Variants in KCNMA1 observed in about 807,000 individuals in gnomAD.
KCNMA1 encodes Calcium-activated potassium channel subunit alpha-1.
In KCNMA1, 29 loss-of-function variants were observed where a neutral mutation model predicts 140.0. That is an observed-to-expected ratio of 0.21 (90% CI 0.15 to 0.28). The LOEUF is 0.28. Among genes scored for constraint, KCNMA1 ranks in the 10% least tolerant of loss-of-function variants. The pLI is 1.00. For synonymous variants in KCNMA1, 612 were observed against 611.9 expected, an observed-to-expected ratio of 1.00 and a Z score of 0.00; for missense variants, 880 against 1,602.2, an observed-to-expected ratio of 0.55 and a Z score of 7.70.
intron 2 of KCNMA1, among the ~76,000 whole-genome samples, chr10:77,323,203 T>C (rs1258431327): frequency 6.6e-6 from 1 of 152,200 alleles, no homozygotes; most frequent in Non-Finnish European, 1.5e-5. Context: ...CTCAGCAGAA[T>C]ACAGGGCTCC....
chr10:76,986,981 T>C (rs976643244), intron 19 of KCNMA1, among the ~76,000 whole-genome samples: 2 of 152,026 alleles, frequency 1.3e-5, no homozygotes, highest in Admixed American at 1.3e-4. Flanking sequence ...AATTGGCTGT[T>C]GGCTGTTCAG....
chr10:77,496,024 G>A (rs1200166530), intron 1 of KCNMA1, among the ~76,000 whole-genome samples: 1 of 152,170 alleles, frequency 6.6e-6, no homozygotes, highest in African/African-American at 2.4e-5. Context: ...AAGACACAGA[G>A]CCCTCCTTGG....
At chr10:77,156,296 A>T (rs563437897) in intron 5 of KCNMA1, among the ~76,000 whole-genome samples, 1 of 151,766 alleles carries the variant, frequency 6.6e-6, no homozygotes, top group South Asian at 2.1e-4. Flanking sequence ...TTTTCTCCTA[A>T]TTGCTTTCTC....
chr10:77,221,719 G>A (rs941504012), intron 3 of KCNMA1, among the ~76,000 whole-genome samples: 1 of 152,048 alleles, frequency 6.6e-6, no homozygotes, highest in Non-Finnish European at 1.5e-5. Flanking sequence ...GTGAGGGTAG[G>A]GTACTTCCTG....
At chr10:77,091,728 T>C (rs1391811929) in intron 9 of KCNMA1, 1 of 152,238 alleles carries the variant, frequency 6.6e-6, no homozygotes, top group Non-Finnish European at 1.5e-5. Flanking sequence ...CACTTCATAA[T>C]TGCTCTGTGC....
At chr10:76,942,238 G>A (rs1591456666) in intron 23 of KCNMA1, among the ~76,000 whole-genome samples, 2 of 152,082 alleles carry the variant, frequency 1.3e-5, no homozygotes, top group South Asian at 4.2e-4. Context: ...CTCCCAAGGC[G>A]TGAGCCACCA....
At chr10:77,419,571 G>A (rs1173712021) in intron 1 of KCNMA1, among the ~76,000 whole-genome samples, 8 of 152,184 alleles carry the variant, frequency 5.3e-5, no homozygotes, top group Non-Finnish European at 1.0e-4. Context: ...GGTCAGGGAA[G>A]CTTCTGGGGA....
chr10:77,255,979 G>A (rs991860805), intron 2 of KCNMA1, among the ~76,000 whole-genome samples: 2 of 151,988 alleles, frequency 1.3e-5, no homozygotes, highest in African/African-American at 4.8e-5. Context: ...GCAAAATGGG[G>A]AGGAGAGAGG....
At chr10:77,152,278 T>TTGTGTGTGTGTG (rs72088425) in intron 5 of KCNMA1, among the ~76,000 whole-genome samples, 25,195 of 98,648 alleles carry the variant, frequency 0.26, 2,684 homozygotes, top group Middle Eastern at 0.38. Context: ...TTTTTTGCTT[T>TTGTGTGTGTGTG]TGTGTGTGTG....
intron 19 of KCNMA1, among the ~76,000 whole-genome samples, chr10:76,997,854 A>G (rs139547698): frequency 9.2e-5 from 14 of 152,328 alleles, no homozygotes; most frequent in Middle Eastern, 3.4e-3. Context: ...AGTGGAAACA[A>G]AACCAAGATG....
intron 14 of KCNMA1, among the ~76,000 whole-genome samples, chr10:77,040,200 A>C (rs982129275): frequency 2.7e-4 from 41 of 152,078 alleles, no homozygotes; most frequent in Admixed American, 2.5e-3. Flanking sequence ...ATGACTTCTA[A>C]TGGTGCGGAG....
Position 77,108,358 on chromosome 10 carries a change from A to G in KCNMA1, c.1223+123T>C. ...CAGGATGAGAGCAGCAATTTCGGGC[A>G]CGTAGCGGGCAAACATTGCCTACAT... On this transcript the variant is annotated intron_variant, in intron 9 of 27. Transcript: ENST00000286628. The surrounding 1 kb of genome is among the most constrained non-coding windows in gnomAD (Gnocchi z 4.6). 6.3e-7 allele frequency: 1 copy of G among 1,591,562 alleles called. No individual in the cohort carries two copies. Among genetic ancestry groups the G allele is most frequent in the South Asian group, 1.1e-5 (1 of 88,988 alleles).
At chr10:77,010,765 T>C (rs2090513905) in intron 18 of KCNMA1, among the ~76,000 whole-genome samples, 1 of 151,942 alleles carries the variant, frequency 6.6e-6, no homozygotes, top group Admixed American at 6.6e-5. Context: ...AAAAGGTCCT[T>C]CCTTCAGTGG....
At chr10:77,075,536 A>T (rs1050999472) in intron 13 of KCNMA1, among the ~76,000 whole-genome samples, 1 of 152,206 alleles carries the variant, frequency 6.6e-6, no homozygotes, top group Non-Finnish European at 1.5e-5. Context: ...GTGCTATCTA[A>T]GGTATAAGGC....
rs1019673255 is a variant in KCNMA1 at position 77,220,461 on chromosome 10, C to G, written c.602+30734G>C. Among the ~76,000 whole-genome samples, 5 of 152,172 alleles carry G rather than the reference C, an allele frequency of 3.3e-5. No individual in the cohort carries two copies. The South Asian group carries it at 8.3e-4, about 25-fold the overall frequency. On this transcript the variant is annotated intron_variant, in intron 3 of 27. Transcript: ENST00000286628. ...TCTGGGATGGATGTACTGCCTTTCT[C>G]AGAGCTAGGCTGGGAAAAACATTTC...
chr10:77,295,787 CAAAAAAAAAAAAAAAAAAA>C (rs36034012), intron 2 of KCNMA1, among the ~76,000 whole-genome samples: 1 of 43,246 alleles, frequency 2.3e-5, no homozygotes, highest in African/African-American at 8.5e-5. Flanking sequence ...GACTCCGTCT[CAAAAAAAAAAAAAAAAAAA>C]AAAAAAAAAA....
intron 5 of KCNMA1, chr10:77,140,892 G>A (rs2098151335): frequency 6.6e-6 from 1 of 152,204 alleles, no homozygotes; most frequent in South Asian, 2.1e-4. Context: ...AAAGAGAAAA[G>A]GCTATAATTC....
intron 22 of KCNMA1, among the ~76,000 whole-genome samples, chr10:76,945,628 CCAA>C (rs1485251506): frequency 6.6e-6 from 1 of 151,950 alleles, no homozygotes; most frequent in Non-Finnish European, 1.5e-5. Flanking sequence ...ACCTAATTGT[CCAA>C]CAACATAGGA....
At chr10:77,035,665 C>T (rs762091157) in intron 15 of KCNMA1, among the ~76,000 whole-genome samples, 1 of 151,960 alleles carries the variant, frequency 6.6e-6, no homozygotes, top group African/African-American at 2.4e-5. Flanking sequence ...GGTGATTAAC[C>T]GATAAGAGAA....
Sources: gnomAD v4.1 joint callset for allele counts (sites outside exome capture counted in the v4.1 genomes callset) on GRCh38, gnomAD v4.1.1 for gene constraint, Gnocchi (gnomAD v3.1) non-coding constraint, MANE v1.5 for transcripts, NCBI Gene and HGNC (gene_info 2026-07-23, HGNC 2026-07-21) for gene names.